RAP1GAP2: variants seen among roughly 807,000 people sequenced by gnomAD.
The protein encoded by RAP1GAP2 is RAP1 GTPase activating protein 2.
In RAP1GAP2, 27 loss-of-function variants were observed where a neutral mutation model predicts 95.0. That is an observed-to-expected ratio of 0.28 (90% CI 0.21 to 0.39). The LOEUF is 0.39. RAP1GAP2 is among the 10% of genes least tolerant of loss of function. The pLI is 1.00. For missense variants in RAP1GAP2, 771 were observed against 970.0 expected, an observed-to-expected ratio of 0.79 and a Z score of 2.72; for synonymous variants, 373 against 380.9, an observed-to-expected ratio of 0.98 and a Z score of 0.24.
chr17:3,012,781 A>G (rs1384077327), intron 17 of RAP1GAP2, among the ~76,000 whole-genome samples: 1 of 152,162 alleles, frequency 6.6e-6, no homozygotes, highest in Non-Finnish European at 1.5e-5. Flanking sequence ...TTGCGAGAAC[A>G]GCTTTCACGA....
chr17:2,965,250 AC>A lies in RAP1GAP2; in HGVS notation c.493-284del. ...TCGTGTCATCCTGGGCAGTGACTTA[AC>A]CCCCCGACCATTGGTTTTCCCATCT... On this transcript the variant is annotated intron_variant, in intron 7 of 24. Coordinates refer to ENST00000254695, the MANE Select transcript of RAP1GAP2 (RefSeq NM_015085.5). The surrounding 1 kb of genome is among the most constrained non-coding windows in gnomAD (Gnocchi z 4.7). 4.6e-6 allele frequency: 2 copies of A among 436,874 alleles called. No homozygotes were observed. Among genetic ancestry groups the A allele is most frequent in the Non-Finnish European group, 8.4e-6 (2 of 237,800 alleles). The allele number at this position is 436,874 out of a possible 1,614,324, so 27.1% of individuals were successfully genotyped here. A position where few individuals can be genotyped will look rare whatever the true frequency, so the allele number is the denominator to read the frequency against.
At chr17:2,925,942 C>T (rs571968336) in intron 3 of RAP1GAP2, among the ~76,000 whole-genome samples, 33 of 152,148 alleles carry the variant, frequency 2.2e-4, no homozygotes, top group Non-Finnish European at 4.3e-4. Context: ...AGTTTGAGAC[C>T]AGCCTGGCCA....
At chr17:3,025,958 G>A (rs1452062071) in intron 19 of RAP1GAP2, 50 bp from the exon 20 acceptor site, 1 of 1,375,834 alleles carries the variant, frequency 7.3e-7, no homozygotes. Context: ...GGATGGGGTG[G>A]GGGTTGAGGG....
At chr17:2,928,546 T>A (rs1301028481) in intron 3 of RAP1GAP2, among the ~76,000 whole-genome samples, 1 of 152,102 alleles carries the variant, frequency 6.6e-6, no homozygotes, top group Non-Finnish European at 1.5e-5. Context: ...CCTCCCCAGG[T>A]GACCTGCCTG....
At chr17:3,031,897 C>T (rs1336935722) in intron 23 of RAP1GAP2, among the ~76,000 whole-genome samples, 1 of 145,388 alleles carries the variant, frequency 6.9e-6, no homozygotes, top group Non-Finnish European at 1.5e-5. Context: ...GTTCCTGGGT[C>T]CCGAATCCCT....
intron 8 of RAP1GAP2, among the ~76,000 whole-genome samples, chr17:2,971,507 G>T (rs78540476): frequency 0.05 from 7,577 of 152,208 alleles, 523 homozygotes; most frequent in African/African-American, 0.15. Flanking sequence ...GGCTGAGGCA[G>T]GAGGGTCACT....
chr17:2,954,800 G>A (rs1396022881), intron 3 of RAP1GAP2, among the ~76,000 whole-genome samples: 1 of 151,888 alleles, frequency 6.6e-6, no homozygotes, highest in East Asian at 2.0e-4. Flanking sequence ...CACCATGTTG[G>A]CTAGGCTGGT....
intron 3 of RAP1GAP2, among the ~76,000 whole-genome samples, chr17:2,917,061 T>C (rs1174781232): frequency 6.6e-6 from 1 of 152,210 alleles, no homozygotes; most frequent in Admixed American, 6.5e-5. Flanking sequence ...CTTCTTGCCC[T>C]CTCTGTTGAT....
intron 3 of RAP1GAP2, among the ~76,000 whole-genome samples, chr17:2,948,991 C>T (rs372659026): frequency 6.6e-6 from 1 of 152,218 alleles, no homozygotes; most frequent in Admixed American, 6.5e-5. Flanking sequence ...TTCTTGTTCA[C>T]GTCTGCCCCT....
intron 3 of RAP1GAP2, among the ~76,000 whole-genome samples, chr17:2,916,952 C>T (rs571120176): frequency 3.3e-5 from 5 of 152,218 alleles, no homozygotes; most frequent in South Asian, 2.1e-4. Flanking sequence ...GTGCGAGCCA[C>T]GGGCTTCGGC....
intron 2 of RAP1GAP2, among the ~76,000 whole-genome samples, chr17:2,885,512 C>G (rs1844399901): frequency 1.3e-5 from 2 of 152,166 alleles, no homozygotes; most frequent in South Asian, 4.1e-4. Flanking sequence ...TGGAGGTGAG[C>G]AATGGTGAGG....
intron 3 of RAP1GAP2, among the ~76,000 whole-genome samples, chr17:2,941,543 G>A (rs1198713551): frequency 1.3e-5 from 2 of 152,190 alleles, no homozygotes; most frequent in African/African-American, 4.8e-5. Flanking sequence ...TTGAGGCACC[G>A]TGAGATGAGG....
intron 8 of RAP1GAP2, among the ~76,000 whole-genome samples, chr17:2,973,915 A>G (rs1240646573): frequency 2.0e-5 from 3 of 152,238 alleles, no homozygotes; most frequent in Non-Finnish European, 4.4e-5. Flanking sequence ...AAAATTTAAA[A>G]GAATTTTAAA....
intron 4 of RAP1GAP2, among the ~76,000 whole-genome samples, chr17:2,960,590 A>C (rs1452385582): frequency 6.6e-6 from 1 of 152,160 alleles, no homozygotes; most frequent in Non-Finnish European, 1.5e-5. Flanking sequence ...TGAGCCGGTG[A>C]CCCGGCTTCA....
intron 4 of RAP1GAP2, among the ~76,000 whole-genome samples, chr17:2,958,342 G>A (rs2044194779): frequency 6.6e-6 from 1 of 152,134 alleles, no homozygotes. Context: ...CTACATAAAA[G>A]TTGGTGTGTG....
At chr17:3,001,378 C>T (rs201290172) in intron 14 of RAP1GAP2, among the ~76,000 whole-genome samples, 79 of 113,684 alleles carry the variant, frequency 6.9e-4, no homozygotes, top group African/African-American at 1.8e-3. Context: ...TGAAGTGAGG[C>T]TCGTGGAGGT....
In RAP1GAP2 at chr17:2,978,445, A is replaced by G. The variant is rs1597783547; in HGVS notation, c.597-1842A>G. Among the ~76,000 whole-genome samples, 6 of 152,082 alleles carry G rather than the reference A, an allele frequency of 3.9e-5. No homozygotes were observed. The South Asian group carries it at 1.3e-3, about 32-fold the overall frequency. Reference sequence around the variant, plus strand: ...GTGTAGGGCGTGGGTATGCTGGACAAAGGGAAAATTCATGTCCCGGGTGGA... The same window carrying G: ...GTGTAGGGCGTGGGTATGCTGGACAGAGGGAAAATTCATGTCCCGGGTGGA... On this transcript the variant is annotated intron_variant, in intron 8 of 24. Coordinates refer to ENST00000254695, the MANE Select transcript of RAP1GAP2 (RefSeq NM_015085.5).
chr17:2,921,370 T>A (rs1282549677), intron 3 of RAP1GAP2, among the ~76,000 whole-genome samples: 2 of 151,950 alleles, frequency 1.3e-5, no homozygotes, highest in African/African-American at 4.8e-5. Context: ...CCCGGCTAAC[T>A]TTTTGTATTT....
chr17:2,829,429 G>A (rs578228190), intron 2 of RAP1GAP2, among the ~76,000 whole-genome samples: 4 of 152,098 alleles, frequency 2.6e-5, no homozygotes, highest in East Asian at 1.9e-4. Context: ...TGACCCCGTC[G>A]GTAGAAAATG....
Sources: allele counts gnomAD v4.1 joint callset (sites outside exome capture counted in the v4.1 genomes callset), GRCh38; gene constraint gnomAD v4.1.1; non-coding constraint Gnocchi (gnomAD v3.1); transcripts MANE v1.5; gene names NCBI Gene and HGNC (gene_info 2026-07-23, HGNC 2026-07-21).